Variants in NEAT1 observed in about 807,000 individuals in gnomAD.
The protein encoded by NEAT1 is MENepsilon/beta.
At chr11:65,445,518 AGAGT>A (rs1305099085) in exon 1 of NEAT1, 1 of 152,272 alleles carries the variant, frequency 6.6e-6, no homozygotes, top group Non-Finnish European at 1.5e-5. Context: ...CATCTGTGAA[AGAGT>A]GAGCAGGAAA....
chr11:65,435,311 C>G (rs1856648839), exon 1 of NEAT1: 1 of 152,174 alleles, frequency 6.6e-6, no homozygotes. Flanking sequence ...CCTAAGATAA[C>G]TACTAATGAC....
exon 1 of NEAT1, chr11:65,430,439 T>C (rs1856605345): frequency 1.3e-5 from 2 of 152,240 alleles, no homozygotes; most frequent in Non-Finnish European, 2.9e-5. Flanking sequence ...AAGAGGCTTT[T>C]TCTCAGGATT....
exon 1 of NEAT1, chr11:65,423,133 A>C (rs2134882533): frequency 6.5e-6 from 1 of 153,314 alleles, no homozygotes; most frequent in East Asian, 1.9e-4. Context: ...TCTGTGTGGA[A>C]GGAGGAAGGC....
chr11:65,441,745 T>A (rs1162150307), exon 1 of NEAT1: 1 of 152,244 alleles, frequency 6.6e-6, no homozygotes. Flanking sequence ...TTATAATTTA[T>A]TTCTACTTTT....
chr11:65,428,486 A>G (rs1856583378), exon 1 of NEAT1: 1 of 152,220 alleles, frequency 6.6e-6, no homozygotes, highest in Non-Finnish European at 1.5e-5. Context: ...AGGAAGTGTC[A>G]TCCTCTGGCT....
exon 1 of NEAT1, chr11:65,443,929 A>G (rs1439783356): frequency 6.3e-6 from 1 of 158,382 alleles, no homozygotes; most frequent in East Asian, 1.9e-4. Context: ...ACGCTGAATT[A>G]ATTCTTTGCT....
chr11:65,434,929 G>T (rs1856645586), exon 1 of NEAT1: 1 of 152,136 alleles, frequency 6.6e-6, no homozygotes, highest in Admixed American at 6.5e-5. Flanking sequence ...TGTGAATTTA[G>T]CATTCATGGG....
chr11:65,444,650 C>T, exon 1 of NEAT1: 1 of 395,444 alleles, frequency 2.5e-6, no homozygotes, highest in Non-Finnish European at 5.3e-6. Flanking sequence ...GTGCTGTGGA[C>T]CGTGGATCCT....
exon 1 of NEAT1, chr11:65,440,333 G>A (rs1189580806): frequency 6.6e-6 from 1 of 151,970 alleles, no homozygotes; most frequent in Admixed American, 6.6e-5. Context: ...GGCCAAGCGT[G>A]GTGGCATGTG....
exon 1 of NEAT1, chr11:65,423,250 G>T (rs1431774078): frequency 2.0e-5 from 3 of 152,612 alleles, no homozygotes; most frequent in Non-Finnish European, 2.9e-5. Flanking sequence ...GGGCCGGGAG[G>T]GCTAATCTTC....
chr11:65,433,103 A>C (rs942772791), exon 1 of NEAT1: 5 of 151,584 alleles, frequency 3.3e-5, no homozygotes. Context: ...TTATCCACTC[A>C]CTGGTTGATG....
exon 1 of NEAT1, chr11:65,435,338 C>T (rs1590673803): frequency 6.6e-6 from 1 of 152,168 alleles, no homozygotes; most frequent in Non-Finnish European, 1.5e-5. Context: ...ATTTATATTC[C>T]TTCAGACATT....
chr11:65,432,783 C>T (rs1012942342), exon 1 of NEAT1: 17 of 150,508 alleles, frequency 1.1e-4, no homozygotes, highest in Admixed American at 7.3e-4. Flanking sequence ...TTTACTGCAC[C>T]GGTCACCTGA....
At chr11:65,428,585 T>G (rs1217209811) in exon 1 of NEAT1, 1 of 152,192 alleles carries the variant, frequency 6.6e-6, no homozygotes, top group Non-Finnish European at 1.5e-5. Context: ...AATGTTCGTA[T>G]TTAACAAAAA....
chr11:65,425,737 C>T (rs1197405862), exon 1 of NEAT1: 1 of 151,974 alleles, frequency 6.6e-6, no homozygotes, highest in Non-Finnish European at 1.5e-5. Context: ...GTATGTAAAT[C>T]GTGCCTTAGA....
exon 1 of NEAT1, chr11:65,433,304 C>T (rs1410499784): frequency 6.6e-6 from 1 of 152,118 alleles, no homozygotes. Context: ...TAATAAAATG[C>T]AATGGAATGT....
At chr11:65,430,523 G>C (rs768002074) in exon 1 of NEAT1, 4 of 152,178 alleles carry the variant, frequency 2.6e-5, no homozygotes, top group African/African-American at 9.7e-5. Context: ...GTATTTTTCT[G>C]TGGAAAGCAT....
At chr11:65,443,235 T>C (rs1260085787) in exon 1 of NEAT1, 2 of 152,190 alleles carry the variant, frequency 1.3e-5, no homozygotes, top group African/African-American at 4.8e-5. Context: ...CCATGTGTTT[T>C]GATGCAGGGT....
exon 1 of NEAT1, chr11:65,441,099 A>AT (rs993669319): frequency 6.6e-6 from 1 of 152,014 alleles, no homozygotes; most frequent in Non-Finnish European, 1.5e-5. Context: ...TGAAATGGGG[A>AT]TAAAAATAGT....
Sources: gnomAD v4.1 joint callset for allele counts on GRCh38, gnomAD v4.1.1 for gene constraint, MANE v1.5 for transcripts, NCBI Gene and HGNC (gene_info 2026-07-23, HGNC 2026-07-21) for gene names.